Variants in EPRS1 observed in about 807,000 individuals in gnomAD.
The protein encoded by EPRS1 is glutamyl-prolyl-tRNA synthetase 1.
EPRS1 carries 107 observed loss-of-function variants against 188.3 expected under a neutral mutation model. The ratio of observed to expected loss-of-function variants is 0.57; its 90% CI spans 0.49 to 0.67. The LOEUF (loss-of-function observed/expected upper bound fraction) is 0.67. EPRS1 is among the 30% of genes least tolerant of loss of function. The probability of loss-of-function intolerance (pLI) is 0.00; values close to 1 mark genes in which losing one functional copy is unlikely to be tolerated. For missense variants in EPRS1, 1,577 were observed against 1,802.2 expected (o/e 0.88, Z 2.26); for synonymous variants, 596 against 593.1 (o/e 1.00, Z -0.07).
intron 20 of EPRS1, among the ~76,000 whole-genome samples, chr1:219,986,783 A>G (rs865986037): frequency 3.1e-3 from 464 of 150,274 alleles, no homozygotes; most frequent in African/African-American, 3.6e-3. Context: ...GAAAATATGT[A>G]TGTGTGTGTG....
chr1:219,978,676 T>A lies in EPRS1; in HGVS notation c.3953A>T (p.Glu1318Val). The change falls in exon 28 of 32, where the codon GAA becomes GTA. Residue 1318 changes from glutamate (E) to valine (V), a missense_variant. Glu to Val is a moderately radical substitution (Grantham distance 121). Around this residue, in one of 3 missense-constraint regions of EPRS1, gnomAD observed 296 missense variants for 327.9 expected, o/e 0.90. Transcript: ENST00000366923. ...PCGITNALSE[E>V]DKEALIAKCN... ...TTTTGCAATCAGCGCTTCTTTGTCT[T>A]CTTCAGAAAGTGCATTGGTAATGCC... 1 of 1,612,734 alleles carries A rather than the reference T, an allele frequency of 6.2e-7. No individual in the cohort carries two copies. Among genetic ancestry groups the A allele is most frequent in the Middle Eastern group, 1.7e-4 (1 of 6,058 alleles).
chr1:220,006,184 G>A lies in EPRS1; in HGVS notation c.1872C>T (p.Val624=). 2 of 1,605,136 alleles carry A rather than the reference G, an allele frequency of 1.2e-6. No individual in the cohort carries two copies. The highest frequency in any genetic ancestry group is 2.2e-5 in the East Asian group (1 of 44,514). ...THALPIPVIC[V]TYEHLITKPV... The stretch of plus-strand genomic sequence containing the variant: ...GCTTTGTGATCAAGTGCTCATAAGT[G>A]ACACAGATTACTGGAATAGGAAGAG... Residue 624 remains valine, a synonymous_variant, in exon 15 of 32, where the codon GTC becomes GTT. Transcript: ENST00000366923.
chr1:219,994,517 AAG>A (rs1399416544), intron 18 of EPRS1, among the ~76,000 whole-genome samples: 2 of 152,146 alleles, frequency 1.3e-5, no homozygotes, highest in Non-Finnish European at 2.9e-5. Context: ...TAATTTTAAA[AAG>A]AAAAGACAAA....
At position 219,975,808 on chromosome 1, in the gene EPRS1, A is replaced by G. The variant is rs146591934; in HGVS notation, c.4084-2410T>C. ...TGGTTTTCAACATACATAAATAGAT[A>G]TGGAAATATGGTGGTAAAAGTGTAC... On this transcript the variant is annotated intron_variant, in intron 28 of 31. Transcript: ENST00000366923. Among the ~76,000 whole-genome samples the G allele has an allele frequency of 2.0e-4, 31 of 151,756 alleles. No homozygotes were observed. In the East Asian group the frequency reaches 2.5e-3, roughly 12 times the overall value.
intron 24 of EPRS1, among the ~76,000 whole-genome samples, 157 bp from the exon 25 acceptor site, chr1:219,981,014 C>T (rs1286939480): frequency 6.6e-6 from 1 of 151,958 alleles, no homozygotes; most frequent in East Asian, 1.9e-4. Context: ...ATCCTTCTAC[C>T]TTAGCCTCCC....
intron 12 of EPRS1, among the ~76,000 whole-genome samples, chr1:220,016,141 C>T (rs1318212805): frequency 2.6e-5 from 4 of 151,796 alleles, no homozygotes; most frequent in Admixed American, 6.6e-5. Context: ...GTCGGGAGTT[C>T]GAGACCAGCC....
In EPRS1 at chr1:219,974,103, C is replaced by G. The variant is rs551930689; in HGVS notation, c.4084-705G>C. The stretch of plus-strand genomic sequence containing the variant: ...GGATTACAGGCACCTACCACCATGC[C>G]TGGCTAATTTTTGTATTTTTAGTAG... On this transcript the variant is annotated intron_variant, in intron 28 of 31. Coordinates refer to ENST00000366923, the MANE Select transcript of EPRS1 (RefSeq NM_004446.3). 4.1e-4 allele frequency among the ~76,000 whole-genome samples: 62 copies of G among 152,092 alleles called. 1 individual carries two copies. The highest frequency in any genetic ancestry group is 7.9e-4 in the Non-Finnish European group (54 of 68,032).
rs1314705199 is a variant in EPRS1, at chr1:219,968,796, C to T, written c.*10G>A. 19 of 1,613,598 alleles carry T rather than the reference C, an allele frequency of 1.2e-5. No individual in the cohort carries two copies. The highest frequency in any genetic ancestry group is 6.7e-5 in the Admixed American group (4 of 59,982). ...TGAGAGGAGTTGAAGAGGGGGCTTT[C>T]GTTCATCCCTCAGTAGCTGCGACCA... On this transcript the variant is annotated 3_prime_UTR_variant, in exon 32 of 32. Transcript: ENST00000366923.
chr1:219,988,923 T>C lies in EPRS1; in HGVS notation c.2542-100A>G, dbSNP rs181997867. On this transcript the variant is annotated intron_variant, in intron 18 of 31. Coordinates refer to ENST00000366923, the MANE Select transcript of EPRS1 (RefSeq NM_004446.3). ...TTTAATTATCAGCAAATCATTCCCA[T>C]AAGTTAATCATGGGGAAACCTATGT... 26 of 687,790 alleles carry C rather than the reference T, an allele frequency of 3.8e-5. No individual in the cohort carries two copies. In the East Asian group the frequency reaches 6.7e-4, roughly 18 times the overall value. 42.6% of individuals were successfully genotyped at this position (687,790 alleles called of 1,614,324 possible). A position where few individuals can be genotyped will look rare whatever the true frequency, so the allele number is the denominator to read the frequency against.
intron 25 of EPRS1, 104 bp from the exon 26 acceptor site, chr1:219,980,344 T>TC: frequency 1.2e-6 from 1 of 838,200 alleles, no homozygotes. Flanking sequence ...AAAAGCAATC[T>TC]GAACAATAAA....
At chr1:220,046,174 G>C (rs112379279) in intron 1 of EPRS1, among the ~76,000 whole-genome samples, 169 bp downstream of exon 1, 2,746 of 152,214 alleles carry the variant, frequency 0.018, 86 homozygotes, top group African/African-American at 0.063. Flanking sequence ...CCGGGGACAC[G>C]GGGCGAGGGG....
intron 18 of EPRS1, among the ~76,000 whole-genome samples, chr1:219,996,695 G>A (rs1371010722): frequency 6.6e-6 from 1 of 152,030 alleles, no homozygotes; most frequent in Non-Finnish European, 1.5e-5. Flanking sequence ...TGCCACTTAA[G>A]AACACAAACC....
chr1:220,019,145 T>C (rs1471265414), intron 10 of EPRS1, 66 bp from the exon 11 acceptor site: 1 of 949,934 alleles, frequency 1.1e-6, no homozygotes, highest in Non-Finnish European at 1.7e-6. Context: ...GAGTAGAAGA[T>C]ACTTAATCAA....
At chr1:220,005,907 C>T (rs1037798407) in intron 15 of EPRS1, among the ~76,000 whole-genome samples, 199 bp downstream of exon 15, 1 of 147,338 alleles carries the variant, frequency 6.8e-6, no homozygotes, top group East Asian at 2.0e-4. Flanking sequence ...TGAGCTCAAG[C>T]GATCCACCCA....
rs377014724 is a variant in EPRS1 at position 219,996,953 on chromosome 1, T to C, written c.2541+30A>G. 45 of 1,533,636 alleles carry C rather than the reference T, an allele frequency of 2.9e-5. No homozygotes were observed. In the African/African-American group the frequency reaches 5.9e-4, roughly 20 times the overall value. ...GCAGTTTGAATTCACACACTGAAAA[T>C]GTGGTCTTGACTTTCTCTAACATAC... On this transcript the variant is annotated intron_variant, in intron 18 of 31. Transcript: ENST00000366923.
At chr1:220,045,414 G>A (rs757920298) in intron 1 of EPRS1, among the ~76,000 whole-genome samples, 1 of 152,064 alleles carries the variant, frequency 6.6e-6, no homozygotes, top group Non-Finnish European at 1.5e-5. Flanking sequence ...TGAGGTGGGA[G>A]GATCATCTGA....
chr1:220,038,709 T>C (rs1022821617), intron 2 of EPRS1, among the ~76,000 whole-genome samples: 1 of 151,966 alleles, frequency 6.6e-6, no homozygotes, highest in African/African-American at 2.4e-5. Context: ...AGCAGAAAGA[T>C]AGGGAATGCA....
rs1571656187 is a variant in EPRS1 at position 219,979,592 on chromosome 1, C to T, written c.3735G>A (p.Gly1245=). ...AIQGGTSHHL[G]QNFSKMFEIV... is the part of the protein sequence containing the mutation. ...TTTCAAACATTTTGGAAAAATTCTG[C>T]CCTAAATGATGTGATGTTCCTCCCT... Residue 1245 remains glycine, a synonymous_variant, in exon 27 of 32, where the codon GGG becomes GGA. Transcript: ENST00000366923. The T allele has an allele frequency of 2.5e-6, 4 of 1,613,208 alleles. No individual in the cohort carries two copies. Among genetic ancestry groups the T allele is most frequent in the Non-Finnish European group, 2.5e-6 (3 of 1,179,316 alleles).
In EPRS1 at chr1:220,023,881, C is replaced by T. The variant is rs554958298; in HGVS notation, c.943+383G>A. 4.6e-5 allele frequency among the ~76,000 whole-genome samples: 7 copies of T among 152,308 alleles called. No individual in the cohort carries two copies. The South Asian group carries it at 6.2e-4, about 14-fold the overall frequency. ...TTAAACTAGCAGCTTTTGCCAGATACGGTGGCTCATGCCTGTAATCCCGGC... is the reference window on the plus strand; with the variant it reads ...TTAAACTAGCAGCTTTTGCCAGATATGGTGGCTCATGCCTGTAATCCCGGC... On this transcript the variant is annotated intron_variant, in intron 8 of 31. Coordinates refer to ENST00000366923, the MANE Select transcript of EPRS1 (RefSeq NM_004446.3).
Sources: gnomAD v4.1 joint callset for allele counts (sites outside exome capture counted in the v4.1 genomes callset) on GRCh38, gnomAD v4.1.1 for gene constraint, gnomAD v4.1.1 regional missense constraint, MANE v1.5 for transcripts, NCBI Gene and HGNC (gene_info 2026-07-23, HGNC 2026-07-21) for gene names.